TMTC3: variants seen among roughly 807,000 people sequenced by gnomAD.
TMTC3 encodes the protein protein O-mannosyl-transferase TMTC3.
Under a neutral mutation model 92.2 loss-of-function variants are expected in TMTC3, and 52 were observed. The ratio of observed to expected loss-of-function variants is 0.56; its 90% CI spans 0.45 to 0.71. The LOEUF is 0.71. Ranked by LOEUF, TMTC3 falls within the 30% of genes least tolerant of loss-of-function variation. TMTC3 has a pLI of 0.00. For synonymous variants in TMTC3, 339 were observed against 363.3 expected (o/e 0.93, Z 0.76); for missense variants, 896 against 1,057.1 (o/e 0.85, Z 2.11).
At chr12:88,173,041 A>ATAT in intron 8 of TMTC3, 1 of 1,329,402 alleles carries the variant, frequency 7.5e-7, no homozygotes, top group Non-Finnish European at 9.8e-7. Context: ...TCAAATGACC[A>ATAT]TTGCCACTTC....
intron 4 of TMTC3, among the ~76,000 whole-genome samples, chr12:88,155,133 A>C (rs1010140652): frequency 1.4e-4 from 22 of 152,232 alleles, no homozygotes; most frequent in Non-Finnish European, 2.8e-4. Flanking sequence ...GCTGCTCTGC[A>C]TAATGCCTTC....
rs944966565 is a variant in TMTC3 at position 88,173,017 on chromosome 12, C to A, written c.1199+272C>A. On this transcript the variant is annotated intron_variant, in intron 8 of 13. Transcript: ENST00000266712. ...GATCCAAATGAAAACAAGGATGTTA[C>A]TGAGAATAAAGTCTCAAATGACCAT... 20 of 1,363,406 alleles carry A rather than the reference C, an allele frequency of 1.5e-5. 1 individual carries two copies. In the African/African-American group the frequency reaches 2.6e-4, roughly 18 times the overall value. The allele number at this position is 1,363,406 out of a possible 1,614,324, so 84.5% of individuals were successfully genotyped here.
chr12:88,154,300 G>T lies in TMTC3; in HGVS notation c.421G>T (p.Val141Phe), dbSNP rs778835612. 3 of 1,604,110 alleles carry T rather than the reference G, an allele frequency of 1.9e-6. No individual in the cohort carries two copies. In the Admixed American group the frequency reaches 5.2e-5, roughly 28 times the overall value. The change falls in exon 4 of 14, where the codon GTT (valine) becomes TTT (phenylalanine). Residue 141 changes from valine to phenylalanine, a missense_variant. Physicochemically the swap from Val to Phe is conservative, Grantham distance 50. Coordinates refer to ENST00000266712, the MANE Select transcript of TMTC3 (RefSeq NM_181783.4). ...PIHTEAVTGV[V>F]GRAELLSSIF... ...TTTTCCTTTCTAGGTAACAGGAGTT[G>T]TTGGAAGAGCAGAACTTTTGTCATC...
rs1180045420 is a variant in TMTC3 at position 88,157,796 on chromosome 12, TA to T, written c.509-2316del. 6.6e-5 allele frequency among the ~76,000 whole-genome samples: 10 copies of T among 152,304 alleles called. No individual in the cohort carries two copies. The East Asian group carries it at 1.7e-3, about 26-fold the overall frequency. On this transcript the variant is annotated intron_variant, in intron 4 of 13. Transcript: ENST00000266712. ...TACTTGTTTTGGACAAAATCACATGTAACTTTTAACCACAGTGATCTGATTG... is the reference window on the plus strand; with the variant it reads ...TACTTGTTTTGGACAAAATCACATGTACTTTTAACCACAGTGATCTGATTG...
rs200635599 is a variant in TMTC3, at chr12:88,194,878, A to C, written c.1974A>C (p.Leu658=). 1.2e-6 allele frequency: 2 copies of C among 1,610,628 alleles called. No individual in the cohort carries two copies. Among genetic ancestry groups the C allele is most frequent in the Non-Finnish European group, 1.7e-6 (2 of 1,178,952 alleles). Residue 658 remains leucine (L), a synonymous_variant, in exon 14 of 14, where the codon CTA becomes CTC. Transcript: ENST00000266712. ...KLRPEARKRL[L]SYINEEPLDA... ...GACCTGAAGCTAGAAAACGACTTCTAAGTTATATAAATGAAGAGCCACTAG... is the reference window on the plus strand; with the variant it reads ...GACCTGAAGCTAGAAAACGACTTCTCAGTTATATAAATGAAGAGCCACTAG...
At chr12:88,156,510 A>T (rs2041011226) in intron 4 of TMTC3, among the ~76,000 whole-genome samples, 1 of 152,178 alleles carries the variant, frequency 6.6e-6, no homozygotes, top group African/African-American at 2.4e-5. Flanking sequence ...TGTAGAAGTT[A>T]CTGCCTAGGA....
intron 1 of TMTC3, among the ~76,000 whole-genome samples, chr12:88,146,730 C>T (rs1309349730): frequency 6.6e-6 from 1 of 150,406 alleles, no homozygotes; most frequent in East Asian, 1.9e-4. Flanking sequence ...ACAAAGAAAA[C>T]TTTCTCAGTA....
chr12:88,190,045 C>G (rs1334275193), intron 11 of TMTC3, among the ~76,000 whole-genome samples: 2 of 151,804 alleles, frequency 1.3e-5, no homozygotes, highest in Non-Finnish European at 2.9e-5. Flanking sequence ...TTTCTGAGGA[C>G]ATAAGACTAT....
chr12:88,191,466 A>G (rs1358873347), intron 12 of TMTC3, among the ~76,000 whole-genome samples: 1 of 152,190 alleles, frequency 6.6e-6, no homozygotes, highest in Non-Finnish European at 1.5e-5. Context: ...ATACTATAGG[A>G]AAGAGTAGTA....
At chr12:88,157,544 T>G (rs532663319) in intron 4 of TMTC3, among the ~76,000 whole-genome samples, 1 of 152,200 alleles carries the variant, frequency 6.6e-6, no homozygotes, top group South Asian at 2.1e-4. Context: ...TTATTTCCCT[T>G]CATCCTCTTT....
chr12:88,146,645 G>T (rs1475466281), intron 1 of TMTC3, among the ~76,000 whole-genome samples: 2 of 148,986 alleles, frequency 1.3e-5, no homozygotes, highest in Non-Finnish European at 3.0e-5. Context: ...GTATATATAT[G>T]TAAAATAAAG....
chr12:88,195,171 C>G lies in TMTC3; in HGVS notation c.2267C>G (p.Ala756Gly). 6.2e-7 allele frequency: 1 copy of G among 1,613,480 alleles called. No homozygotes were observed. The highest frequency in any genetic ancestry group is 8.5e-7 in the Non-Finnish European group (1 of 1,179,842). Residue 756 changes from alanine (A) to glycine (G), a missense_variant, in exon 14 of 14, where the codon GCA becomes GGA. Ala to Gly is a moderately conservative substitution (Grantham distance 60). Coordinates refer to ENST00000266712, the MANE Select transcript of TMTC3 (RefSeq NM_181783.4). ...AATCAAAAGAAAGATATACTAGGAGCAAAAAAATGTTTTGAAAGGATTTTG... is the reference window on the plus strand; with the variant it reads ...AATCAAAAGAAAGATATACTAGGAGGAAAAAAATGTTTTGAAAGGATTTTG... ...LMNQKKDILG[A>G]KKCFERILEM...
intron 7 of TMTC3, among the ~76,000 whole-genome samples, chr12:88,171,716 T>C (rs375802854): frequency 1.3e-5 from 2 of 152,156 alleles, no homozygotes; most frequent in East Asian, 3.8e-4. Flanking sequence ...CCTTTGGATC[T>C]ATACCCAGTA....
At chr12:88,145,600 G>A (rs1044696162) in intron 1 of TMTC3, among the ~76,000 whole-genome samples, 2 of 151,692 alleles carry the variant, frequency 1.3e-5, no homozygotes, top group Admixed American at 6.6e-5. Context: ...GATTTTGAGG[G>A]CTTCAGTATT....
chr12:88,181,575 C>T lies in TMTC3; in HGVS notation c.1432+5256C>T, dbSNP rs957359411. On this transcript the variant is annotated intron_variant, in intron 10 of 13. Coordinates refer to ENST00000266712, the MANE Select transcript of TMTC3 (RefSeq NM_181783.4). ...TGGGCCAGGCAGTGAGCTGTGGGCT[C>T]GAGTATGTGTGTTAAAAATAGGATA... 2.6e-5 allele frequency among the ~76,000 whole-genome samples: 4 copies of T among 151,828 alleles called. No individual in the cohort carries two copies. The East Asian group carries it at 5.8e-4, about 22-fold the overall frequency.
In TMTC3 at chr12:88,148,473, A is replaced by G. The variant is rs752242310; in HGVS notation, c.158A>G (p.Gln53Arg). The G allele has an allele frequency of 1.2e-6, 2 of 1,611,840 alleles. No individual in the cohort carries two copies. The highest frequency in any genetic ancestry group is 2.2e-5 in the South Asian group (2 of 90,536). The change falls in exon 2 of 14, where the codon CAA (glutamine) becomes CGA (arginine). Residue 53 changes from glutamine to arginine, a missense_variant. Transcript: ENST00000266712. ...TCTACACCTTTAAAAACTTTATTTCAAAATGACTTCTGGGGAACCCCTATG... is the reference window on the plus strand; with the variant it reads ...TCTACACCTTTAAAAACTTTATTTCGAAATGACTTCTGGGGAACCCCTATG... ...HPSTPLKTLF[Q>R]NDFWGTPMSE...
intron 9 of TMTC3, among the ~76,000 whole-genome samples, chr12:88,175,029 A>G (rs1212106066): frequency 6.6e-6 from 1 of 152,148 alleles, no homozygotes; most frequent in Non-Finnish European, 1.5e-5. Context: ...AAAGGTGCTT[A>G]TATTTTTCCT....
chr12:88,185,551 T>A (rs934315539), intron 10 of TMTC3, among the ~76,000 whole-genome samples: 1 of 152,192 alleles, frequency 6.6e-6, no homozygotes, highest in Non-Finnish European at 1.5e-5. Context: ...CGAACATTCA[T>A]ATACCAGTCT....
At chr12:88,154,255 T>C (rs1332246604) in intron 3 of TMTC3, 33 bp from the exon 4 acceptor site, 1 of 1,410,470 alleles carries the variant, frequency 7.1e-7, no homozygotes. Context: ...ATATTCTTTA[T>C]TAATATGAAC....
Sources: gnomAD v4.1 joint callset for allele counts (sites outside exome capture counted in the v4.1 genomes callset) on GRCh38, gnomAD v4.1.1 for gene constraint, MANE v1.5 for transcripts, NCBI Gene and HGNC (gene_info 2026-07-23, HGNC 2026-07-21) for gene names.